RAD51: variants seen among roughly 807,000 people sequenced by gnomAD.
RAD51 encodes the protein DNA repair protein RAD51 homolog 1.
A neutral mutation model predicts 41.5 loss-of-function variants in RAD51; 14 were observed. The ratio of observed to expected loss-of-function variants is 0.34; its 90% confidence interval spans 0.22 to 0.53. RAD51 has a LOEUF of 0.53. Ranked by LOEUF, RAD51 falls within the 20% of genes least tolerant of loss-of-function variation. The probability of loss-of-function intolerance (pLI) is 0.95; values close to 1 mark genes in which losing one functional copy is unlikely to be tolerated. For synonymous variants in RAD51, 136 were observed against 148.6 expected (o/e 0.92, Z 0.62); for missense variants, 234 against 422.0 (o/e 0.55, Z 3.90).
intron 6 of RAD51, among the ~76,000 whole-genome samples, chr15:40,726,438 G>C (rs1896588946): frequency 6.6e-6 from 1 of 151,708 alleles, no homozygotes; most frequent in South Asian, 2.1e-4. Context: ...TTTTTAAGTA[G>C]AGATGGGTTT....
At position 40,726,347 on chromosome 15, in the gene RAD51, G is replaced by A. The variant is rs368768086; in HGVS notation, c.531-2364G>A. Among the ~76,000 whole-genome samples, 6 of 151,158 alleles carry A rather than the reference G, an allele frequency of 4.0e-5. No individual in the cohort carries two copies. The East Asian group carries it at 1.2e-3, about 30-fold the overall frequency. ...GCTCACTGCAACCTCCGCCTCTCGG[G>A]TTCAAGCGATTCTCCTGCCTCAGCC... is the stretch of plus-strand genomic sequence containing the variant. On this transcript the variant is annotated intron_variant, in intron 6 of 9. Transcript: ENST00000267868.
intron 5 of RAD51, among the ~76,000 whole-genome samples, chr15:40,715,998 C>T (rs1367989197): frequency 6.6e-6 from 1 of 152,182 alleles, no homozygotes; most frequent in Admixed American, 6.5e-5. Context: ...GTCCTTTGCT[C>T]CTTCCATGGA....
At position 40,729,837 on chromosome 15, in the gene RAD51, A is replaced by G; in HGVS notation, c.775-16A>G. On this transcript the variant is annotated splice_polypyrimidine_tract_variant and intron_variant, in intron 8 of 9. Transcript: ENST00000267868. ...GTCTATGGCCACAAAATTGACATTT[A>G]TCCTTTCCCCATCAGTTTGGTGTAG... 6.2e-7 allele frequency: 1 copy of G among 1,614,176 alleles called. No homozygotes were observed. The highest frequency in any genetic ancestry group is 8.5e-7 in the Non-Finnish European group (1 of 1,180,030).
chr15:40,696,766 A>G (rs1246653680), intron 1 of RAD51, among the ~76,000 whole-genome samples: 4 of 152,304 alleles, frequency 2.6e-5, no homozygotes, highest in East Asian at 1.9e-4. Flanking sequence ...GCTTGCCAAC[A>G]CGATATTTTT....
intron 3 of RAD51, among the ~76,000 whole-genome samples, chr15:40,702,767 C>T (rs1895083184): frequency 6.6e-6 from 1 of 151,640 alleles, no homozygotes; most frequent in African/African-American, 2.4e-5. Context: ...ATCTGCCCAC[C>T]TCAGCCTCCC....
intron 6 of RAD51, among the ~76,000 whole-genome samples, chr15:40,724,434 C>T (rs941288239): frequency 6.6e-6 from 1 of 152,072 alleles, no homozygotes; most frequent in East Asian, 1.9e-4. Flanking sequence ...GATTTGGTCA[C>T]CTATTGGATG....
chr15:40,711,854 C>T (rs1293212661), intron 5 of RAD51, among the ~76,000 whole-genome samples: 7 of 151,938 alleles, frequency 4.6e-5, no homozygotes, highest in East Asian at 1.9e-4. Context: ...GTGGGTGGAT[C>T]GCTTGAGCTC....
chr15:40,713,490 G>A lies in RAD51; in HGVS notation c.435+4374G>A, dbSNP rs894051927. 4.0e-5 allele frequency among the ~76,000 whole-genome samples: 6 copies of A among 151,326 alleles called. No homozygotes were observed. In the East Asian group the frequency reaches 5.8e-4, roughly 15 times the overall value. Reference sequence around the variant, plus strand: ...ACTCCTGACCTCAGGTGATCCACCCGCCTCAGCCTCCCAAAGTGCTGGGAT... The same window carrying A: ...ACTCCTGACCTCAGGTGATCCACCCACCTCAGCCTCCCAAAGTGCTGGGAT... On this transcript the variant is annotated intron_variant, in intron 5 of 9. Coordinates refer to ENST00000267868, the MANE Select transcript of RAD51 (RefSeq NM_002875.5).
chr15:40,699,762 G>T (rs1252032659), intron 2 of RAD51, among the ~76,000 whole-genome samples: 2 of 152,198 alleles, frequency 1.3e-5, no homozygotes, highest in Admixed American at 6.5e-5. Flanking sequence ...TAAGAGACAA[G>T]CTCCAATTCA....
chr15:40,722,795 T>A (rs1000697370), intron 6 of RAD51, among the ~76,000 whole-genome samples: 3 of 152,266 alleles, frequency 2.0e-5, no homozygotes, highest in Non-Finnish European at 4.4e-5. Flanking sequence ...AGGCAAAGAT[T>A]TATTAGCTAC....
rs1316410705 is a variant in RAD51 at position 40,712,973 on chromosome 15, G to T, written c.435+3857G>T. Among the ~76,000 whole-genome samples the T allele has an allele frequency of 3.5e-5, 5 of 142,684 alleles. No homozygotes were observed. The East Asian group carries it at 9.1e-4, about 26-fold the overall frequency. 93.6% of individuals were successfully genotyped at this position (142,684 alleles called of 152,430 possible). On this transcript the variant is annotated intron_variant, in intron 5 of 9. Transcript: ENST00000267868. ...GGCTTGCTGCAACCTCTGCCTCCCA[G>T]GTTCAAGCCATTCTCCTGCCTCAGC...
upstream of RAD51, chr15:40,694,851 C>G (rs1164977225): frequency 6.6e-6 from 1 of 152,142 alleles, no homozygotes; most frequent in East Asian, 1.9e-4. Flanking sequence ...CCCCTGAAAT[C>G]CCTCGCCCCA....
At chr15:40,710,466 C>T (rs1334941844) in intron 5 of RAD51, among the ~76,000 whole-genome samples, 2 of 119,296 alleles carry the variant, frequency 1.7e-5, no homozygotes, top group Non-Finnish European at 3.2e-5. Context: ...CGCACCATTG[C>T]ATTCCAGCCT....
chr15:40,713,298 G>A (rs998152911), intron 5 of RAD51, among the ~76,000 whole-genome samples: 1 of 146,734 alleles, frequency 6.8e-6, no homozygotes, highest in Non-Finnish European at 1.5e-5. Flanking sequence ...AGGCAGGAGT[G>A]CAGTGGCGCA....
At chr15:40,696,763 A>C (rs1245610471) in intron 1 of RAD51, among the ~76,000 whole-genome samples, 1 of 152,210 alleles carries the variant, frequency 6.6e-6, no homozygotes. Flanking sequence ...CATGCTTGCC[A>C]ACACGATATT....
In RAD51 at chr15:40,709,016, C is replaced by A; in HGVS notation, c.344-9C>A. ...TTATGCTAAGAGTTATTTCTTATCG[C>A]TTTTTTAGGTGGAATTGAGACTGGA... On this transcript the variant is annotated splice_polypyrimidine_tract_variant and intron_variant, in intron 4 of 9. Coordinates refer to ENST00000267868, the MANE Select transcript of RAD51 (RefSeq NM_002875.5). 4 of 1,609,456 alleles carry A rather than the reference C, an allele frequency of 2.5e-6. No individual in the cohort carries two copies. Among genetic ancestry groups the A allele is most frequent in the Non-Finnish European group, 3.4e-6 (4 of 1,175,780 alleles).
intron 6 of RAD51, among the ~76,000 whole-genome samples, chr15:40,724,685 T>TTC: frequency 8.3e-6 from 1 of 120,660 alleles, no homozygotes; most frequent in Non-Finnish European, 1.8e-5. Context: ...TTTTTTTTTT[T>TTC]TTTTTTTTTT....
chr15:40,726,155 G>T (rs1380883805), intron 6 of RAD51, among the ~76,000 whole-genome samples: 1 of 151,950 alleles, frequency 6.6e-6, no homozygotes, highest in African/African-American at 2.4e-5. Flanking sequence ...TATATGTTAA[G>T]AATAACCTGA....
chr15:40,723,709 G>GA (rs1896396835), intron 6 of RAD51, among the ~76,000 whole-genome samples: 1 of 152,158 alleles, frequency 6.6e-6, no homozygotes, highest in Non-Finnish European at 1.5e-5. Flanking sequence ...TAGGGGTGAT[G>GA]AAAATGCTCT....
Sources: gnomAD v4.1 joint callset for allele counts (sites outside exome capture counted in the v4.1 genomes callset) on GRCh38, gnomAD v4.1.1 for gene constraint, MANE v1.5 for transcripts, NCBI Gene and HGNC (gene_info 2026-07-23, HGNC 2026-07-21) for gene names.